Variants in GHR observed in about 807,000 individuals in gnomAD.
GHR encodes growth hormone receptor.
GHR carries 35 observed loss-of-function variants against 67.1 expected under a neutral mutation model. That is an observed-to-expected ratio of 0.52 (90% CI 0.40 to 0.69). The LOEUF (loss-of-function observed/expected upper bound fraction) is 0.69. Among genes scored for constraint, GHR ranks in the 30% least tolerant of loss-of-function variants. The pLI is 0.00. For missense variants in GHR, 792 were observed against 764.6 expected (o/e 1.04, Z -0.42); for synonymous variants, 272 against 269.1 (o/e 1.01, Z -0.10).
intron 1 of GHR, among the ~76,000 whole-genome samples, chr5:42,559,481 G>A (rs565730027): frequency 9.1e-4 from 139 of 152,316 alleles, no homozygotes; most frequent in African/African-American, 3.3e-3. Flanking sequence ...AAGAGTTGGA[G>A]ACTGCAGTGA....
At position 42,511,990 on chromosome 5, in the gene GHR, T is replaced by A. The variant is rs895634935; in HGVS notation, c.-11-53874T>A. On this transcript the variant is annotated intron_variant, in intron 1 of 9. Transcript: ENST00000230882. ...AAAAATTAAGTCCACAGACTGCAGA[T>A]AGACCCTACGCTTGAGCTGCCGGTG... 8.5e-4 allele frequency among the ~76,000 whole-genome samples: 129 copies of A among 152,302 alleles called. 2 individuals carry two copies. The highest frequency in any genetic ancestry group is 2.9e-3 in the African/African-American group (119 of 41,566).
At chr5:42,565,798 C>G in intron 1 of GHR, 66 bp from the exon 2 acceptor site, 1 of 1,612,908 alleles carries the variant, frequency 6.2e-7, no homozygotes, top group East Asian at 2.2e-5. Context: ...AGTCTTTAAA[C>G]AGTATTTCAT....
chr5:42,564,184 A>C (rs989360938), intron 1 of GHR, among the ~76,000 whole-genome samples: 1 of 130,828 alleles, frequency 7.6e-6, no homozygotes, highest in Non-Finnish European at 1.6e-5. Context: ...AAATCTCACA[A>C]TGTGTGAGAT....
chr5:42,670,242 A>C (rs1402907853), intron 3 of GHR, among the ~76,000 whole-genome samples: 2 of 152,208 alleles, frequency 1.3e-5, no homozygotes, highest in Admixed American at 1.3e-4. Flanking sequence ...ATTGATTTTC[A>C]ACAAAGATAC....
At chr5:42,643,302 TTTGTGTGCATTATAA>T (rs1169123968) in intron 3 of GHR, among the ~76,000 whole-genome samples, 14 of 152,280 alleles carry the variant, frequency 9.2e-5, no homozygotes, top group African/African-American at 3.1e-4. Context: ...CTCTCATCTG[TTTGTGTGCATTATAA>T]ATGTCCAAGA....
intron 1 of GHR, among the ~76,000 whole-genome samples, chr5:42,476,009 A>G (rs191003162): frequency 0.026 from 3,945 of 148,930 alleles, 177 homozygotes; most frequent in African/African-American, 0.092. Context: ...GGCTCACGCC[A>G]TTCTCCTGCC....
intron 1 of GHR, among the ~76,000 whole-genome samples, chr5:42,436,239 A>G (rs1156549441): frequency 1.3e-5 from 2 of 152,198 alleles, no homozygotes; most frequent in Non-Finnish European, 2.9e-5. Context: ...ATTCACAGCT[A>G]GTAACACAGC....
intron 1 of GHR, among the ~76,000 whole-genome samples, chr5:42,555,156 G>A (rs1253600140): frequency 6.6e-6 from 1 of 152,168 alleles, no homozygotes; most frequent in East Asian, 1.9e-4. Context: ...CTTAAAGGAG[G>A]CAGGATAATG....
At chr5:42,526,308 C>G (rs1028236267) in intron 1 of GHR, among the ~76,000 whole-genome samples, 5 of 152,212 alleles carry the variant, frequency 3.3e-5, no homozygotes, top group African/African-American at 1.2e-4. Flanking sequence ...AAGGCCCTGA[C>G]TCTCTTCAGT....
intron 1 of GHR, among the ~76,000 whole-genome samples, chr5:42,536,417 A>T (rs1748258215): frequency 6.6e-6 from 1 of 152,124 alleles, no homozygotes; most frequent in African/African-American, 2.4e-5. Flanking sequence ...ATCTTTTGAG[A>T]TGATCATGTG....
intron 1 of GHR, among the ~76,000 whole-genome samples, chr5:42,491,011 G>A (rs748299237): frequency 2.6e-4 from 39 of 152,160 alleles, no homozygotes; most frequent in Admixed American, 7.2e-4. Flanking sequence ...TCTAACATCC[G>A]CTGAGGATTA....
At chr5:42,471,764 A>C (rs1205799938) in intron 1 of GHR, among the ~76,000 whole-genome samples, 1 of 152,194 alleles carries the variant, frequency 6.6e-6, no homozygotes, top group Non-Finnish European at 1.5e-5. Context: ...TCATATGGAG[A>C]AACAGGGGTC....
chr5:42,594,691 C>A (rs73751219), intron 2 of GHR, among the ~76,000 whole-genome samples: 2 of 152,052 alleles, frequency 1.3e-5, no homozygotes, highest in Non-Finnish European at 2.9e-5. Context: ...CACAGAACAG[C>A]GGTTCCCAGA....
chr5:42,711,910 T>C (rs904842659), intron 7 of GHR, among the ~76,000 whole-genome samples: 6 of 152,106 alleles, frequency 3.9e-5, no homozygotes, highest in Non-Finnish European at 7.4e-5. Flanking sequence ...GTGGCAGTCA[T>C]ACTTAAAGGA....
In GHR at chr5:42,695,083, G is replaced by T; in HGVS notation, c.433G>T (p.Glu145Ter). Reference sequence around the variant, plus strand: ...GGATGAAAAGTGTTTCTCTGTTGATGAAATAGGTAAATCACAGGTTTTTGT... The same window carrying T: ...GGATGAAAAGTGTTTCTCTGTTGATTAAATAGGTAAATCACAGGTTTTTGT... ...TVDEKCFSVD[E>*]IVQPDPPIAL... is the part of the protein sequence containing the mutation. The change falls in exon 5 of 10, where the codon GAA becomes TAA. Residue 145 changes from glutamate (E) to a stop codon, truncating the protein, a stop_gained. Coordinates refer to ENST00000230882, the MANE Select transcript of GHR (RefSeq NM_000163.5). LOFTEE classifies it high-confidence loss of function. The T allele has an allele frequency of 6.2e-7, 1 of 1,605,034 alleles. No individual in the cohort carries two copies. Among genetic ancestry groups the T allele is most frequent in the Non-Finnish European group, 8.5e-7 (1 of 1,171,822 alleles).
chr5:42,614,457 G>A (rs1366952847), intron 2 of GHR, among the ~76,000 whole-genome samples: 2 of 151,578 alleles, frequency 1.3e-5, no homozygotes, highest in African/African-American at 4.9e-5. Flanking sequence ...CAGAGGTGGG[G>A]CCTGACATCC....
At chr5:42,438,271 C>A (rs1481673256) in intron 1 of GHR, among the ~76,000 whole-genome samples, 2 of 152,136 alleles carry the variant, frequency 1.3e-5, no homozygotes, top group African/African-American at 2.4e-5. Context: ...GTTCAAGAAC[C>A]CACAGCTGGT....
At chr5:42,665,893 C>T (rs1755946497) in intron 3 of GHR, among the ~76,000 whole-genome samples, 1 of 152,090 alleles carries the variant, frequency 6.6e-6, no homozygotes, top group Non-Finnish European at 1.5e-5. Context: ...TGCAGGGGAA[C>T]TGCCCTTTAT....
intron 3 of GHR, among the ~76,000 whole-genome samples, chr5:42,646,723 C>G (rs1754748139): frequency 6.6e-6 from 1 of 152,144 alleles, no homozygotes. Flanking sequence ...TGCAAACTGA[C>G]TTGAGGTGCT....
Sources: gnomAD v4.1 joint callset for allele counts (sites outside exome capture counted in the v4.1 genomes callset) on GRCh38, gnomAD v4.1.1 for gene constraint, MANE v1.5 for transcripts, NCBI Gene and HGNC (gene_info 2026-07-23, HGNC 2026-07-21) for gene names.